PIP4K2C: variants seen among roughly 807,000 people sequenced by gnomAD.
The protein encoded by PIP4K2C is phosphatidylinositol 5-phosphate 4-kinase type-2 gamma.
A neutral mutation model predicts 45.0 loss-of-function variants in PIP4K2C; 21 were observed. That is an observed-to-expected ratio of 0.47 (90% CI 0.33 to 0.67). The LOEUF is 0.67. PIP4K2C is among the 30% of genes least tolerant of loss of function. The probability of loss-of-function intolerance (pLI) is 0.02; values close to 1 mark genes in which losing one functional copy is unlikely to be tolerated. For missense variants in PIP4K2C, 456 were observed against 542.8 expected (o/e 0.84, Z 1.59); for synonymous variants, 201 against 204.8 (o/e 0.98, Z 0.16).
chr12:57,595,541 C>T (rs558461561), intron 3 of PIP4K2C, among the ~76,000 whole-genome samples: 1 of 152,008 alleles, frequency 6.6e-6, no homozygotes, highest in East Asian at 1.9e-4. Flanking sequence ...CCTGTCTCTA[C>T]TAAAGATATG....
At position 57,591,376 on chromosome 12, in the gene PIP4K2C, G is replaced by A. The variant is rs1174426550; in HGVS notation, c.87G>A (p.Lys29=). 2 of 1,613,860 alleles carry A rather than the reference G, an allele frequency of 1.2e-6. No homozygotes were observed. The highest frequency in any genetic ancestry group is 2.7e-5 in the African/African-American group (2 of 74,918). Residue 29 remains lysine, a synonymous_variant, in exon 1 of 10, where the codon AAG becomes AAA. Transcript: ENST00000354947. ...GPGFGFASKT[K]KKHFVQQKVK... The stretch of plus-strand genomic sequence containing the variant: ...GTTTCGGCTTCGCCTCCAAGACCAA[G>A]AAGAAGCATTTCGTGCAGCAGAAGG...
rs1014132147 is a variant in PIP4K2C at position 57,601,899 on chromosome 12, A to G, written c.*293A>G. On this transcript the variant is annotated 3_prime_UTR_variant, in exon 10 of 10. Transcript: ENST00000354947. ...TCTCCCAAGTGCCTTGATCTTTGTA[A>G]TATCTCCTGTTGTTTCTATGATATA... 1 of 423,594 alleles carries G rather than the reference A, an allele frequency of 2.4e-6. No homozygotes were observed. The highest frequency in any genetic ancestry group is 3.7e-5 in the Admixed American group (1 of 27,312). 26.2% of individuals were successfully genotyped at this position (423,594 alleles called of 1,614,324 possible).
At chr12:57,600,661 A>G in intron 7 of PIP4K2C, 150 bp from the exon 8 acceptor site, 1 of 956,784 alleles carries the variant, frequency 1.0e-6, no homozygotes. Context: ...TAGGACATAT[A>G]GGCACTAAAG....
chr12:57,591,234 G>A lies in PIP4K2C; in HGVS notation c.-56G>A, dbSNP rs575593011. 455 of 1,539,690 alleles carry A rather than the reference G, an allele frequency of 3.0e-4. 9 individuals are homozygous for A. The South Asian group carries it at 5.3e-3, about 18-fold the overall frequency. On this transcript the variant is annotated 5_prime_UTR_variant, in exon 1 of 10. Coordinates refer to ENST00000354947, the MANE Select transcript of PIP4K2C (RefSeq NM_024779.5). ...GCAGGTGAGCGCCGCTTCCGGGGTCGGGCGCCTGGATAGCTGCCGGCTCCG... is the reference window on the plus strand; with the variant it reads ...GCAGGTGAGCGCCGCTTCCGGGGTCAGGCGCCTGGATAGCTGCCGGCTCCG...
At chr12:57,599,352 T>G (rs1457712625) in intron 5 of PIP4K2C, 48 bp from the exon 6 acceptor site, 1 of 1,613,414 alleles carries the variant, frequency 6.2e-7, no homozygotes, top group Non-Finnish European at 8.5e-7. Flanking sequence ...GGGTTCTGAC[T>G]GTTCTTTTAG....
At chr12:57,596,756 G>T (rs1044546186) in intron 4 of PIP4K2C, among the ~76,000 whole-genome samples, 3 of 152,296 alleles carry the variant, frequency 2.0e-5, no homozygotes, top group Middle Eastern at 6.8e-3. Flanking sequence ...TGATGGCAGT[G>T]ACCAGTGACC....
intron 4 of PIP4K2C, 62 bp from the exon 5 acceptor site, chr12:57,599,003 C>G: frequency 6.4e-7 from 1 of 1,560,612 alleles, no homozygotes; most frequent in Non-Finnish European, 8.8e-7. Context: ...TTGAACTTCC[C>G]TGGGCTGTTT....
intron 1 of PIP4K2C, among the ~76,000 whole-genome samples, chr12:57,593,566 T>C (rs563918697): frequency 3.9e-5 from 6 of 152,274 alleles, no homozygotes; most frequent in Non-Finnish European, 8.8e-5. Context: ...ACATTTATCC[T>C]TTTTGCTGTG....
At chr12:57,594,248 G>A in intron 2 of PIP4K2C, 126 bp downstream of exon 2, 1 of 723,682 alleles carries the variant, frequency 1.4e-6, no homozygotes, top group Non-Finnish European at 2.2e-6. Flanking sequence ...TTTGTGCAAG[G>A]AAACCATGAG....
At chr12:57,598,043 G>C (rs1883265204) in intron 4 of PIP4K2C, 1 of 152,176 alleles carries the variant, frequency 6.6e-6, no homozygotes, top group Non-Finnish European at 1.5e-5. Context: ...GAAAGAGGCA[G>C]CAACACAGAA....
At chr12:57,598,905 C>A (rs545542203) in intron 4 of PIP4K2C, among the ~76,000 whole-genome samples, 160 bp from the exon 5 acceptor site, 1 of 152,206 alleles carries the variant, frequency 6.6e-6, no homozygotes, top group South Asian at 2.1e-4. Flanking sequence ...GCATGGATAA[C>A]CTGGAGTGTT....
chr12:57,601,738 A>G lies in PIP4K2C; in HGVS notation c.*132A>G. 1 of 776,360 alleles carries G rather than the reference A, an allele frequency of 1.3e-6. No homozygotes were observed. Among genetic ancestry groups the G allele is most frequent in the African/African-American group, 1.7e-5 (1 of 58,918 alleles). The allele number at this position is 776,360 out of a possible 1,614,324, so 48.1% of individuals were successfully genotyped here. Reference sequence around the variant, plus strand: ...CAGGCTGCAGGCTCCTTCCATCCAGATAACTCCATCCTGTCGAGTAGGCTC... The same window carrying G: ...CAGGCTGCAGGCTCCTTCCATCCAGGTAACTCCATCCTGTCGAGTAGGCTC... On this transcript the variant is annotated 3_prime_UTR_variant, in exon 10 of 10. Transcript: ENST00000354947.
chr12:57,592,807 A>T (rs1344296476), intron 1 of PIP4K2C, among the ~76,000 whole-genome samples: 2 of 151,990 alleles, frequency 1.3e-5, no homozygotes, highest in African/African-American at 4.8e-5. Flanking sequence ...TTCCTTGAAC[A>T]TATGTCTTAG....
At chr12:57,599,586 A>C in intron 6 of PIP4K2C, 148 bp downstream of exon 6, 1 of 899,332 alleles carries the variant, frequency 1.1e-6, no homozygotes, top group Non-Finnish European at 1.7e-6. Context: ...AAGGGGGTAA[A>C]CTTCTGTTGA....
In PIP4K2C at chr12:57,600,551, C is replaced by T. The variant is rs868019766; in HGVS notation, c.813+114C>T. The T allele has an allele frequency of 2.9e-5, 24 of 829,016 alleles. 1 individual carries two copies. The Middle Eastern group carries it at 5.0e-3, about 173-fold the overall frequency. 51.4% of individuals were successfully genotyped at this position (829,016 alleles called of 1,614,324 possible). On this transcript the variant is annotated intron_variant, in intron 7 of 9. Coordinates refer to ENST00000354947, the MANE Select transcript of PIP4K2C (RefSeq NM_024779.5). Reference sequence around the variant, plus strand: ...CTCCCCTTCCCTTTATTCTTCAGGTCCTCTGCCTATATGGGGGTTTAGTAT... The same window carrying T: ...CTCCCCTTCCCTTTATTCTTCAGGTTCTCTGCCTATATGGGGGTTTAGTAT...
At position 57,602,224 on chromosome 12, in the gene PIP4K2C, A is replaced by G. The variant is rs765377835; in HGVS notation, c.*618A>G. ...CAGCCTGGCACCTCACAGAGGTGGG[A>G]CCTAAGAGGACTCATGATTATGCAG... On this transcript the variant is annotated 3_prime_UTR_variant, in exon 10 of 10. Coordinates refer to ENST00000354947, the MANE Select transcript of PIP4K2C (RefSeq NM_024779.5). The G allele has an allele frequency of 2.1e-4, 32 of 154,332 alleles. No individual in the cohort carries two copies. The highest frequency in any genetic ancestry group is 1.6e-3 in the South Asian group (8 of 4,980). The allele number at this position is 154,332 out of a possible 1,614,324, so 9.6% of individuals were successfully genotyped here. A position where few individuals can be genotyped will look rare whatever the true frequency, so the allele number is the denominator to read the frequency against.
chr12:57,600,696 AT>A, intron 7 of PIP4K2C, 114 bp from the exon 8 acceptor site: 1 of 1,378,214 alleles, frequency 7.3e-7, no homozygotes, highest in Non-Finnish European at 1.0e-6. Context: ...TGCAACCTCA[AT>A]TTTTATACTT....
intron 4 of PIP4K2C, among the ~76,000 whole-genome samples, chr12:57,597,452 A>G (rs1883239922): frequency 6.6e-6 from 1 of 152,224 alleles, no homozygotes; most frequent in African/African-American, 2.4e-5. Context: ...TCTGATTTGG[A>G]CATACTGAAT....
In PIP4K2C at chr12:57,596,047, A is replaced by G; in HGVS notation, c.513+16A>G. On this transcript the variant is annotated intron_variant, in intron 4 of 9. Coordinates refer to ENST00000354947, the MANE Select transcript of PIP4K2C (RefSeq NM_024779.5). ...CTATCACCAGGTCAGGCCTCTCTCT[A>G]GCCCCATTCTTTCCCTCTCCTCCCT... is the stretch of plus-strand genomic sequence containing the variant. 6.2e-7 allele frequency: 1 copy of G among 1,610,942 alleles called. No homozygotes were observed.
Sources: allele counts gnomAD v4.1 joint callset (sites outside exome capture counted in the v4.1 genomes callset), GRCh38; gene constraint gnomAD v4.1.1; transcripts MANE v1.5; gene names NCBI Gene and HGNC (gene_info 2026-07-23, HGNC 2026-07-21).